RABGAP1L: variants seen among roughly 807,000 people sequenced by gnomAD.
RABGAP1L encodes RAB GTPase activating protein 1 like, also known as rab GTPase-activating protein 1-like.
Under a neutral mutation model 137.7 loss-of-function variants are expected in RABGAP1L, and 63 were observed. That is an observed-to-expected ratio of 0.46 (90% CI 0.37 to 0.56). RABGAP1L has a LOEUF of 0.56. RABGAP1L is among the 20% of genes least tolerant of loss of function. RABGAP1L has a pLI of 0.00. For missense variants in RABGAP1L, 1,095 were observed against 1,244.0 expected, an observed-to-expected ratio of 0.88 and a Z score of 1.80; for synonymous variants, 431 against 433.7, an observed-to-expected ratio of 0.99 and a Z score of 0.08.
Position 174,783,707 on chromosome 1 carries a change from C to CTTTT in RABGAP1L, c.2212-28108_2212-28105dup, listed in dbSNP as rs34367315. 8.1e-3 allele frequency among the ~76,000 whole-genome samples: 827 copies of CTTTT among 102,444 alleles called. 4 individuals are homozygous for CTTTT. The highest frequency in any genetic ancestry group is 0.012 in the Non-Finnish European group (614 of 52,132). The allele number at this position is 102,444 out of a possible 152,430, so 67.2% of individuals were successfully genotyped here. On this transcript the variant is annotated intron_variant, in intron 18 of 25. Transcript: ENST00000681986. ...TTTGATATGTTTTCTTCTTCTTCTT[C>CTTTT]TTTTTTTTTTTTTTTTTTTTGAGAT...
chr1:174,365,535 G>T (rs749418495), intron 11 of RABGAP1L, among the ~76,000 whole-genome samples: 2 of 152,116 alleles, frequency 1.3e-5, no homozygotes, highest in Admixed American at 1.3e-4. Flanking sequence ...TTCCCTGCTG[G>T]CTAGGGCTGG....
At chr1:174,623,538 G>A (rs1452618169) in intron 13 of RABGAP1L, among the ~76,000 whole-genome samples, 6 of 152,196 alleles carry the variant, frequency 3.9e-5, no homozygotes, top group African/African-American at 1.2e-4. Context: ...TCCAGGAGAA[G>A]CACCAAATAT....
intron 15 of RABGAP1L, among the ~76,000 whole-genome samples, chr1:174,693,716 T>C (rs1277947034): frequency 6.6e-6 from 1 of 152,214 alleles, no homozygotes; most frequent in Non-Finnish European, 1.5e-5. Flanking sequence ...ATACAATAGA[T>C]ACAGTAGTGA....
At chr1:174,866,146 AGAGAGAGAGAG>A (rs1651194891) in intron 19 of RABGAP1L, among the ~76,000 whole-genome samples, 1 of 150,432 alleles carries the variant, frequency 6.6e-6, no homozygotes, top group Non-Finnish European at 1.5e-5. Flanking sequence ...AGAGAGAGAG[AGAGAGAGAGAG>A]AGAGAGATGC....
intron 13 of RABGAP1L, among the ~76,000 whole-genome samples, chr1:174,426,387 T>C (rs1651959753): frequency 6.6e-6 from 1 of 152,068 alleles, no homozygotes; most frequent in African/African-American, 2.4e-5. Context: ...GGCTATCAAG[T>C]CAACAAGTAT....
At chr1:174,506,390 A>G (rs1386770016) in intron 13 of RABGAP1L, among the ~76,000 whole-genome samples, 1 of 152,206 alleles carries the variant, frequency 6.6e-6, no homozygotes, top group African/African-American at 2.4e-5. Context: ...CTGGCCCTTT[A>G]CAGAAAACAA....
chr1:174,989,011 TAAAC>T (rs918172013), intron 25 of RABGAP1L, among the ~76,000 whole-genome samples, 173 bp downstream of exon 25: 8 of 152,224 alleles, frequency 5.3e-5, no homozygotes, highest in African/African-American at 1.4e-4. Context: ...AACGCTGATA[TAAAC>T]AAATATATAA....
chr1:174,703,444 T>A (rs1679811731), intron 17 of RABGAP1L, among the ~76,000 whole-genome samples: 1 of 152,228 alleles, frequency 6.6e-6, no homozygotes, highest in African/African-American at 2.4e-5. Flanking sequence ...TGAATAATGC[T>A]ACATTGTATG....
At chr1:174,392,085 A>G (rs568541252) in intron 12 of RABGAP1L, among the ~76,000 whole-genome samples, 2 of 152,314 alleles carry the variant, frequency 1.3e-5, no homozygotes, top group Non-Finnish European at 2.9e-5. Context: ...TATTTTGTGA[A>G]GCATAATTAT....
chr1:174,791,896 T>C (rs1687884845), intron 18 of RABGAP1L, among the ~76,000 whole-genome samples: 1 of 152,210 alleles, frequency 6.6e-6, no homozygotes, highest in African/African-American at 2.4e-5. Flanking sequence ...CAGGGCAGAC[T>C]TGTGGATACC....
At chr1:174,598,728 T>G (rs1670179740) in intron 13 of RABGAP1L, among the ~76,000 whole-genome samples, 1 of 152,198 alleles carries the variant, frequency 6.6e-6, no homozygotes, top group African/African-American at 2.4e-5. Context: ...GCTACTCCTT[T>G]TTTTGGTTTT....
chr1:174,569,852 C>A (rs980600339), intron 13 of RABGAP1L, among the ~76,000 whole-genome samples: 1 of 152,154 alleles, frequency 6.6e-6, no homozygotes, highest in Non-Finnish European at 1.5e-5. Flanking sequence ...TTTCTTTTTA[C>A]TTTGCATAAA....
intron 12 of RABGAP1L, among the ~76,000 whole-genome samples, chr1:174,375,421 G>A (rs953735146): frequency 2.0e-5 from 3 of 151,866 alleles, no homozygotes; most frequent in Non-Finnish European, 2.9e-5. Flanking sequence ...AACTGAAGCT[G>A]ATTTTTATAA....
At chr1:174,237,811 T>C (rs1322449172) in intron 4 of RABGAP1L, among the ~76,000 whole-genome samples, 1 of 149,624 alleles carries the variant, frequency 6.7e-6, no homozygotes. Flanking sequence ...AATCTGAACG[T>C]TGGCCTGCCT....
intron 14 of RABGAP1L, among the ~76,000 whole-genome samples, chr1:174,659,916 G>A (rs1676249596): frequency 2.0e-5 from 3 of 151,990 alleles, no homozygotes; most frequent in Admixed American, 1.3e-4. Context: ...TACACTACAT[G>A]TTGAGTAGGT....
chr1:174,665,348 CTTCTTTTCCTTTCCTTCTTCCTT>C (rs1676706021), intron 14 of RABGAP1L, among the ~76,000 whole-genome samples: 1 of 151,564 alleles, frequency 6.6e-6, no homozygotes, highest in South Asian at 2.1e-4. Flanking sequence ...TCCTTCCTTC[CTTCTTTTCCTTTCCTTCTTCCTT>C]TTCTTTTCCT....
chr1:174,835,008 C>A (rs1692592585), intron 19 of RABGAP1L, among the ~76,000 whole-genome samples: 1 of 151,932 alleles, frequency 6.6e-6, no homozygotes, highest in Non-Finnish European at 1.5e-5. Context: ...TAGCAGTATT[C>A]CAGGTGAGAG....
chr1:174,337,253 A>G (rs952363442), intron 11 of RABGAP1L, among the ~76,000 whole-genome samples: 13 of 152,138 alleles, frequency 8.5e-5, no homozygotes, highest in African/African-American at 3.1e-4. Context: ...CAAAGCTCAC[A>G]TGATTTTGGC....
chr1:174,964,863 G>T, intron 20 of RABGAP1L: 1 of 1,444,650 alleles, frequency 6.9e-7, no homozygotes, highest in East Asian at 2.6e-5. Context: ...AGAAGTGTCT[G>T]TTTTTGTTAT....
Sources: gnomAD v4.1 joint callset for allele counts (sites outside exome capture counted in the v4.1 genomes callset) on GRCh38, gnomAD v4.1.1 for gene constraint, MANE v1.5 for transcripts, NCBI Gene and HGNC (gene_info 2026-07-23, HGNC 2026-07-21) for gene names.